Variants in TASP1 observed in about 807,000 individuals in gnomAD.
TASP1 encodes taspase 1.
TASP1 carries 16 observed loss-of-function variants against 56.6 expected under a neutral mutation model. The ratio of observed to expected loss-of-function variants is 0.28; its 90% CI spans 0.19 to 0.43. The LOEUF is 0.43. Ranked by LOEUF, TASP1 falls within the 20% of genes least tolerant of loss-of-function variation. The pLI, the probability that TASP1 is intolerant of heterozygous loss-of-function variation, is 1.00. For synonymous variants in TASP1, 179 were observed against 184.2 expected, an observed-to-expected ratio of 0.97 and a Z score of 0.23; for missense variants, 393 against 511.6, an observed-to-expected ratio of 0.77 and a Z score of 2.24.
intron 12 of TASP1, among the ~76,000 whole-genome samples, chr20:13,419,902 C>T (rs996071300): frequency 3.9e-5 from 6 of 152,272 alleles, no homozygotes; most frequent in Admixed American, 1.3e-4. Context: ...GATGTTTTTT[C>T]GTCCACACAC....
the TASP1 span, among the ~76,000 whole-genome samples, chr20:13,234,612 A>G: frequency 6.6e-6 from 1 of 152,210 alleles, no homozygotes; most frequent in Non-Finnish European, 1.5e-5. Flanking sequence ...CCTCGCCAAC[A>G]TATGTTGCTT....
chr20:13,452,762 C>T (rs748822717), intron 11 of TASP1, among the ~76,000 whole-genome samples: 2 of 151,970 alleles, frequency 1.3e-5, no homozygotes, highest in East Asian at 1.9e-4. Flanking sequence ...AAGGAAAATC[C>T]GCCCTTGGAT....
chr20:13,208,746 G>A, the TASP1 span, among the ~76,000 whole-genome samples: 1 of 152,214 alleles, frequency 6.6e-6, no homozygotes, highest in African/African-American at 2.4e-5. Context: ...ATGGAACAGA[G>A]CTGTTTTGTC....
the TASP1 span, among the ~76,000 whole-genome samples, chr20:13,327,687 A>G: frequency 2.6e-5 from 4 of 152,226 alleles, no homozygotes; most frequent in African/African-American, 9.6e-5. Flanking sequence ...GACAAACTTG[A>G]CAAAAACAAG....
At chr20:13,360,920 G>C in the TASP1 span, among the ~76,000 whole-genome samples, 2 of 152,066 alleles carry the variant, frequency 1.3e-5, no homozygotes, top group Admixed American at 6.6e-5. Flanking sequence ...CCCAGATCAC[G>C]CTTGATTTAT....
the TASP1 span, among the ~76,000 whole-genome samples, chr20:13,253,053 G>T: frequency 6.6e-6 from 1 of 152,278 alleles, no homozygotes; most frequent in Non-Finnish European, 1.5e-5. Flanking sequence ...CTTAATTAGA[G>T]ACAGACACAC....
chr20:13,222,195 G>A, the TASP1 span, among the ~76,000 whole-genome samples: 3 of 152,156 alleles, frequency 2.0e-5, no homozygotes, highest in Admixed American at 2.0e-4. Flanking sequence ...GGGAAGGAGC[G>A]AGGTTTGGGA....
intron 4 of TASP1, 37 bp from the exon 5 acceptor site, chr20:13,587,407 C>CA (rs745424709): frequency 7.9e-5 from 122 of 1,541,904 alleles, no homozygotes; most frequent in Non-Finnish European, 1.1e-4. Context: ...TATCATTAGT[C>CA]TTAAAAAAAG....
chr20:13,609,060 T>C (rs1437417715), intron 4 of TASP1, among the ~76,000 whole-genome samples: 5 of 152,156 alleles, frequency 3.3e-5, no homozygotes, highest in African/African-American at 4.8e-5. Context: ...GTCTAGTATC[T>C]AGACTATATA....
At chr20:13,116,983 C>T in the TASP1 span, among the ~76,000 whole-genome samples, 1 of 152,192 alleles carries the variant, frequency 6.6e-6, no homozygotes, top group Non-Finnish European at 1.5e-5. Context: ...AACAAGAGGT[C>T]TCAAAGACTT....
chr20:13,346,406 TG>T, the TASP1 span, among the ~76,000 whole-genome samples: 3 of 152,336 alleles, frequency 2.0e-5, no homozygotes, highest in East Asian at 5.8e-4. Flanking sequence ...GACTTGAAAC[TG>T]GGAACCTTGG....
At chr20:13,158,169 C>T in the TASP1 span, among the ~76,000 whole-genome samples, 1 of 152,194 alleles carries the variant, frequency 6.6e-6, no homozygotes. Flanking sequence ...AGTGATTCTG[C>T]ATACAATGCA....
the TASP1 span, among the ~76,000 whole-genome samples, chr20:13,125,612 A>C: frequency 6.6e-6 from 1 of 152,196 alleles, no homozygotes; most frequent in African/African-American, 2.4e-5. Context: ...TCTGTACAAC[A>C]GTCCATTGTT....
the TASP1 span, among the ~76,000 whole-genome samples, chr20:13,323,367 T>G: frequency 6.6e-6 from 1 of 152,274 alleles, no homozygotes; most frequent in East Asian, 1.9e-4. Flanking sequence ...GGAATCACAC[T>G]GCAAAGGTAG....
At chr20:13,205,646 T>C in the TASP1 span, among the ~76,000 whole-genome samples, 1 of 152,096 alleles carries the variant, frequency 6.6e-6, no homozygotes, top group Admixed American at 6.6e-5. Context: ...CTAATCCCAT[T>C]CATGAGGGCT....
At chr20:13,516,503 C>T (rs1161922937) in intron 10 of TASP1, among the ~76,000 whole-genome samples, 1 of 152,086 alleles carries the variant, frequency 6.6e-6, no homozygotes, top group Non-Finnish European at 1.5e-5. Context: ...AAGTCTTTGA[C>T]AGGTTGCTCA....
At chr20:13,614,575 C>T (rs978475817) in intron 4 of TASP1, 1 of 177,782 alleles carries the variant, frequency 5.6e-6, no homozygotes, top group African/African-American at 2.4e-5. Context: ...CACAAAAAGG[C>T]ACTGCACATC....
At chr20:13,543,707 CTTG>C (rs2045705883) in intron 8 of TASP1, among the ~76,000 whole-genome samples, 1 of 152,178 alleles carries the variant, frequency 6.6e-6, no homozygotes, top group Non-Finnish European at 1.5e-5. Flanking sequence ...CATAGGCTGG[CTTG>C]TTACAGGATC....
intron 11 of TASP1, among the ~76,000 whole-genome samples, chr20:13,466,070 G>T (rs2044247508): frequency 6.6e-6 from 1 of 152,096 alleles, no homozygotes; most frequent in African/African-American, 2.4e-5. Flanking sequence ...GCCTAGTTGT[G>T]ACATTCTATT....
Sources: allele counts gnomAD v4.1 joint callset (sites outside exome capture counted in the v4.1 genomes callset), GRCh38; gene constraint gnomAD v4.1.1; transcripts MANE v1.5; gene names NCBI Gene and HGNC (gene_info 2026-07-23, HGNC 2026-07-21).